The following FAM168A variants were observed in gnomAD, a reference collection of about 807,000 sequenced individuals.
FAM168A encodes the protein protein FAM168A.
A neutral mutation model predicts 28.5 loss-of-function variants in FAM168A; 3 were observed. That is an observed-to-expected ratio of 0.11 (90% CI 0.05 to 0.27). FAM168A has a LOEUF of 0.27. Ranked by LOEUF, FAM168A falls within the 10% of genes least tolerant of loss-of-function variation. The pLI, the probability that FAM168A is intolerant of heterozygous loss-of-function variation, is 1.00. For missense variants in FAM168A, 222 were observed against 311.5 expected (o/e 0.71, Z 2.16); for synonymous variants, 122 against 124.2 (o/e 0.98, Z 0.12).
At chr11:73,468,955 C>G (rs1867776324) in intron 1 of FAM168A, among the ~76,000 whole-genome samples, 1 of 152,200 alleles carries the variant, frequency 6.6e-6, no homozygotes, top group Admixed American at 6.5e-5. Context: ...AGCTTGGTGT[C>G]TGGTGACGAG....
At chr11:73,455,153 G>T (rs916418535) in intron 2 of FAM168A, among the ~76,000 whole-genome samples, 2 of 152,190 alleles carry the variant, frequency 1.3e-5, no homozygotes, top group African/African-American at 4.8e-5. Context: ...ACTGCCTTGG[G>T]GCCCGCACAG....
At chr11:73,544,869 TTA>T (rs1274975816) in intron 1 of FAM168A, among the ~76,000 whole-genome samples, 29 of 92,382 alleles carry the variant, frequency 3.1e-4, no homozygotes, top group Admixed American at 2.2e-3. Context: ...TAATATATAA[TTA>T]TATATATTAT....
At chr11:73,525,116 G>A (rs965677479) in intron 1 of FAM168A, among the ~76,000 whole-genome samples, 1 of 149,896 alleles carries the variant, frequency 6.7e-6, no homozygotes, top group Non-Finnish European at 1.5e-5. Context: ...TCTCTTTTTT[G>A]GGGGGTAGGG....
At chr11:73,482,647 T>C (rs1254346497) in intron 1 of FAM168A, among the ~76,000 whole-genome samples, 3 of 151,946 alleles carry the variant, frequency 2.0e-5, no homozygotes, top group Non-Finnish European at 2.9e-5. Flanking sequence ...GTTTATAGCA[T>C]GCAAAATAAT....
At chr11:73,554,485 C>T (rs1943866693) in intron 1 of FAM168A, among the ~76,000 whole-genome samples, 1 of 151,970 alleles carries the variant, frequency 6.6e-6, no homozygotes, top group African/African-American at 2.4e-5. Context: ...TTCAAAAAAG[C>T]CTAAATGCTG....
At chr11:73,505,532 G>A (rs750696035) in intron 1 of FAM168A, among the ~76,000 whole-genome samples, 4 of 152,050 alleles carry the variant, frequency 2.6e-5, no homozygotes, top group Non-Finnish European at 4.4e-5. Context: ...AACACAATTA[G>A]CAAATAGCAA....
Position 73,412,468 on chromosome 11 carries a change from G to A in FAM168A, c.278-932C>T, listed in dbSNP as rs577962453. Reference sequence around the variant, plus strand: ...AAACTGTGCTGCCTTTTAATCCTCCGGAAAAGAGTGACAGATCCTTTGTTC... The same window carrying A: ...AAACTGTGCTGCCTTTTAATCCTCCAGAAAAGAGTGACAGATCCTTTGTTC... On this transcript the variant is annotated intron_variant, in intron 4 of 7. Transcript: ENST00000356467. Among the ~76,000 whole-genome samples, 182 of 152,230 alleles carry A rather than the reference G, an allele frequency of 1.2e-3. 1 individual carries two copies. Among genetic ancestry groups the A allele is most frequent in the African/African-American group, 4.1e-3 (170 of 41,524 alleles).
At chr11:73,469,772 C>G (rs1590800083) in intron 1 of FAM168A, among the ~76,000 whole-genome samples, 1 of 151,988 alleles carries the variant, frequency 6.6e-6, no homozygotes, top group East Asian at 1.9e-4. Context: ...TTCAGTTAAA[C>G]TTAAGGGAAA....
intron 3 of FAM168A, among the ~76,000 whole-genome samples, chr11:73,421,928 T>C (rs1378459535): frequency 8.5e-5 from 13 of 152,258 alleles, no homozygotes; most frequent in Non-Finnish European, 1.6e-4. Flanking sequence ...ATTTTCATCA[T>C]AAGCCAAAAG....
At chr11:73,509,232 C>A (rs1231128488) in intron 1 of FAM168A, among the ~76,000 whole-genome samples, 1 of 152,180 alleles carries the variant, frequency 6.6e-6, no homozygotes, top group Admixed American at 6.5e-5. Context: ...AGGAGCAGAG[C>A]TGGATCAGAA....
chr11:73,567,703 A>G (rs1423936569), intron 1 of FAM168A, among the ~76,000 whole-genome samples: 1 of 152,210 alleles, frequency 6.6e-6, no homozygotes, highest in African/African-American at 2.4e-5. Flanking sequence ...GATGCTGGGA[A>G]AATTGACATA....
intron 1 of FAM168A, among the ~76,000 whole-genome samples, chr11:73,518,001 T>C (rs1379805828): frequency 6.6e-6 from 1 of 152,236 alleles, no homozygotes; most frequent in African/African-American, 2.4e-5. Flanking sequence ...ATTCTCAGTG[T>C]CTAACACAGT....
intron 4 of FAM168A, 113 bp downstream of exon 4, chr11:73,419,761 A>C (rs1345719178): frequency 7.2e-7 from 1 of 1,379,520 alleles, no homozygotes; most frequent in Non-Finnish European, 9.8e-7. Flanking sequence ...AGAACCTCTT[A>C]AAACATTATT....
chr11:73,424,978 C>A, intron 3 of FAM168A: 2 of 1,462,510 alleles, frequency 1.4e-6, no homozygotes, highest in South Asian at 1.3e-5. Flanking sequence ...CGAGAGAACA[C>A]ATTCATAGGC....
intron 1 of FAM168A, among the ~76,000 whole-genome samples, chr11:73,501,777 G>A (rs1855013729): frequency 6.6e-6 from 1 of 152,142 alleles, no homozygotes; most frequent in Non-Finnish European, 1.5e-5. Context: ...ACAATTAAAA[G>A]AGCTAGAGAG....
intron 6 of FAM168A, among the ~76,000 whole-genome samples, chr11:73,408,220 G>C (rs1415908719): frequency 6.6e-6 from 1 of 152,160 alleles, no homozygotes; most frequent in African/African-American, 2.4e-5. Flanking sequence ...ATCATACTGA[G>C]TAGTAATTGT....
intron 1 of FAM168A, among the ~76,000 whole-genome samples, chr11:73,490,640 T>C (rs562024864): frequency 6.6e-6 from 1 of 152,338 alleles, no homozygotes; most frequent in Non-Finnish European, 1.5e-5. Flanking sequence ...CCTGAAATGT[T>C]CTTCCTCCAG....
intron 2 of FAM168A, among the ~76,000 whole-genome samples, chr11:73,467,949 G>A (rs1195913240): frequency 6.6e-6 from 1 of 152,156 alleles, no homozygotes; most frequent in Non-Finnish European, 1.5e-5. Flanking sequence ...GAAAGTTAGT[G>A]ATAACAGTTA....
chr11:73,583,023 G>C (rs557088991), intron 1 of FAM168A, among the ~76,000 whole-genome samples: 1 of 152,210 alleles, frequency 6.6e-6, no homozygotes, highest in Admixed American at 6.5e-5. Context: ...ACTCAGCCCA[G>C]GCCAGGTGCA....
Sources: gnomAD v4.1 joint callset for allele counts (sites outside exome capture counted in the v4.1 genomes callset) on GRCh38, gnomAD v4.1.1 for gene constraint, MANE v1.5 for transcripts, NCBI Gene and HGNC (gene_info 2026-07-23, HGNC 2026-07-21) for gene names.